PGBD2: variants seen among roughly 807,000 people sequenced by gnomAD.
PGBD2 encodes piggyBac transposable element derived 2.
Under a neutral mutation model 8.1 loss-of-function variants are expected in PGBD2, and 6 were observed. The ratio of observed to expected loss-of-function variants is 0.74; its 90% CI spans 0.40 to 1.46. The LOEUF (loss-of-function observed/expected upper bound fraction) is 1.46, where lower values mean the gene tolerates loss of function less well. Ranked by LOEUF, PGBD2 falls within the 40% of genes most tolerant of loss-of-function variation. PGBD2 has a pLI of 0.02. For missense variants in PGBD2, 802 were observed against 739.0 expected (o/e 1.09, Z -0.99); for synonymous variants, 318 against 272.2 (o/e 1.17, Z -1.66).
intron 2 of PGBD2, among the ~76,000 whole-genome samples, chr1:248,916,229 C>T (rs911340696): frequency 1.9e-4 from 29 of 152,046 alleles, no homozygotes; most frequent in African/African-American, 6.0e-4. Context: ...CTGACTAACA[C>T]GGTGAAACCC....
At chr1:248,908,798 T>G (rs565691761) in intron 1 of PGBD2, among the ~76,000 whole-genome samples, 1 of 152,068 alleles carries the variant, frequency 6.6e-6, no homozygotes. Context: ...GCAGATTCCT[T>G]ACTCTGGCGT....
rs773821197 is a variant in PGBD2, at chr1:248,918,170, C to G, written c.1586C>G (p.Ala529Gly). 1 of 1,614,198 alleles carries G rather than the reference C, an allele frequency of 6.2e-7. No homozygotes were observed. Among genetic ancestry groups the G allele is most frequent in the Non-Finnish European group, 8.5e-7 (1 of 1,180,034 alleles). The change falls in exon 3 of 3, where the codon GCT (alanine) becomes GGT (glycine). Residue 529 changes from alanine to glycine, a missense_variant. Coordinates refer to ENST00000329291, the MANE Select transcript of PGBD2 (RefSeq NM_170725.3). ...GCCTGTGTGTATCTGGAGAGCAATG[C>G]TGACACAACATCTCAAGGGAGGCGA... ...YIACVYLESN[A>G]DTTSQGRRSR...
rs1212858540 is a variant in PGBD2 at position 248,917,775 on chromosome 1, AT to A, written c.1194del (p.Phe398LeufsTer31). The A allele has an allele frequency of 1.2e-6, 2 of 1,614,236 alleles. No homozygotes were observed. The highest frequency in any genetic ancestry group is 1.7e-6 in the Non-Finnish European group (2 of 1,180,040). On this transcript the variant is annotated frameshift_variant, in exon 3 of 3. Transcript: ENST00000329291. LOFTEE classifies it low-confidence loss of function (END_TRUNC). ...KELKKMKRGS[F>X]DYKVDESEEI... ...AACTGAAAAAAATGAAGAGGGGTTC[AT>A]TTGATTACAAAGTCGATGAGAGTGA... is the stretch of plus-strand genomic sequence containing the variant.
At chr1:248,881,247 C>A in the PGBD2 span, among the ~76,000 whole-genome samples, 1 of 151,942 alleles carries the variant, frequency 6.6e-6, no homozygotes, top group African/African-American at 2.4e-5. Flanking sequence ...TCCAGGAGTC[C>A]CTGTATGTAA....
chr1:248,882,191 G>A, the PGBD2 span, among the ~76,000 whole-genome samples: 1 of 152,124 alleles, frequency 6.6e-6, no homozygotes, highest in Non-Finnish European at 1.5e-5. Flanking sequence ...CTGGTCCCAC[G>A]GAGCCAAAAA....
chr1:248,879,157 A>G, the PGBD2 span, among the ~76,000 whole-genome samples: 1 of 152,208 alleles, frequency 6.6e-6, no homozygotes, highest in Non-Finnish European at 1.5e-5. Flanking sequence ...TAAGCTGCTC[A>G]CAGCGCCTGT....
chr1:248,916,329 G>A (rs202122015), intron 2 of PGBD2, among the ~76,000 whole-genome samples: 5 of 152,196 alleles, frequency 3.3e-5, no homozygotes, highest in African/African-American at 7.2e-5. Flanking sequence ...CAGGAGAATC[G>A]CTTGAACCCA....
chr1:248,907,613 C>T (rs139337627), intron 1 of PGBD2, among the ~76,000 whole-genome samples: 70 of 152,238 alleles, frequency 4.6e-4, no homozygotes, highest in African/African-American at 1.4e-3. Flanking sequence ...TGGTGCATTG[C>T]GCCCCTTGTT....
chr1:248,916,476 T>G, intron 2 of PGBD2, 126 bp from the exon 3 acceptor site: 1 of 731,364 alleles, frequency 1.4e-6, no homozygotes, highest in Non-Finnish European at 2.2e-6. Context: ...TGCGGTGCCT[T>G]GTGATGCCAG....
At chr1:248,928,321 C>G in the PGBD2 span, among the ~76,000 whole-genome samples, 1 of 152,164 alleles carries the variant, frequency 6.6e-6, no homozygotes, top group Non-Finnish European at 1.5e-5. Context: ...AAGCCACTTC[C>G]TTATGGACTG....
chr1:248,922,853 G>C (rs1256590076), downstream of PGBD2, among the ~76,000 whole-genome samples: 1 of 152,158 alleles, frequency 6.6e-6, no homozygotes, highest in African/African-American at 2.4e-5. Flanking sequence ...GCTGGACTCG[G>C]TTTGCCAGTA....
downstream of PGBD2, among the ~76,000 whole-genome samples, chr1:248,924,484 G>A (rs1168598370): frequency 2.0e-5 from 3 of 152,144 alleles, no homozygotes; most frequent in Non-Finnish European, 2.9e-5. Flanking sequence ...TCTTTTAGAG[G>A]CACAGACTTC....
Position 248,918,022 on chromosome 1 carries a change from A to T in PGBD2, c.1438A>T (p.Met480Leu). 5.6e-6 allele frequency: 9 copies of T among 1,614,206 alleles called. No individual in the cohort carries two copies. The highest frequency in any genetic ancestry group is 7.6e-6 in the Non-Finnish European group (9 of 1,180,026). ...IAKYKVKIRG[M>L]KWYSSFIGYV... ...CAAGTACAAGGTGAAGATCCGAGGC[A>T]TGAAGTGGTACTCAAGCTTTATTGG... Residue 480 changes from methionine (M) to leucine (L), a missense_variant, in exon 3 of 3, where the codon ATG becomes TTG. Met to Leu is a conservative substitution (Grantham distance 15). Coordinates refer to ENST00000329291, the MANE Select transcript of PGBD2 (RefSeq NM_170725.3).
the PGBD2 span, among the ~76,000 whole-genome samples, chr1:248,883,855 C>A: frequency 3.9e-5 from 6 of 151,980 alleles, no homozygotes; most frequent in African/African-American, 1.2e-4. Flanking sequence ...CCTCGGCCTC[C>A]CAAAGTGCTG....
In PGBD2 at chr1:248,918,767, G is replaced by T. The variant is rs1251303534; in HGVS notation, c.*404G>T. 6.0e-6 allele frequency: 1 copy of T among 166,970 alleles called. No homozygotes were observed. Among genetic ancestry groups the T allele is most frequent in the Non-Finnish European group, 1.5e-5 (1 of 68,128 alleles). 10.3% of individuals were successfully genotyped at this position (166,970 alleles called of 1,614,324 possible). ...AATAGTGTATAAATATCATGTAAATGTGATGGATTTCTTAATCATATTTAT... is the reference window on the plus strand; with the variant it reads ...AATAGTGTATAAATATCATGTAAATTTGATGGATTTCTTAATCATATTTAT... On this transcript the variant is annotated 3_prime_UTR_variant, in exon 3 of 3. Transcript: ENST00000329291.
At chr1:248,874,345 G>C in the PGBD2 span, among the ~76,000 whole-genome samples, 1 of 152,288 alleles carries the variant, frequency 6.6e-6, no homozygotes, top group East Asian at 1.9e-4. Context: ...AACTGTTGCC[G>C]CAGGGCTAAC....
Position 248,917,400 on chromosome 1 carries a change from G to A in PGBD2, c.816G>A (p.Met272Ile), listed in dbSNP as rs1482136624. ...AGTTCTACAGCTTTGGCGAGTCTAT[G>A]TGTGAGTACTTTGGGCACCGGGGGT... Reference protein sequence around the residue: ...LEEFYSFGESMCEYFGHRGSK... With the variant: ...LEEFYSFGESICEYFGHRGSK... Residue 272 changes from methionine (M) to isoleucine (I), a missense_variant, in exon 3 of 3, where the codon ATG (methionine) becomes ATA (isoleucine). Met to Ile is a conservative substitution (Grantham distance 10, BLOSUM62 1). Coordinates refer to ENST00000329291, the MANE Select transcript of PGBD2 (RefSeq NM_170725.3). 1.9e-6 allele frequency: 3 copies of A among 1,614,168 alleles called. No individual in the cohort carries two copies. Among genetic ancestry groups the A allele is most frequent in the African/African-American group, 1.3e-5 (1 of 75,048 alleles).
chr1:248,874,205 T>C, the PGBD2 span, among the ~76,000 whole-genome samples: 2 of 152,196 alleles, frequency 1.3e-5, no homozygotes, highest in Non-Finnish European at 2.9e-5. Context: ...CGTCACAGGA[T>C]ATTTATTTAG....
chr1:248,877,981 A>G, the PGBD2 span, among the ~76,000 whole-genome samples: 1 of 152,222 alleles, frequency 6.6e-6, no homozygotes, highest in Non-Finnish European at 1.5e-5. Flanking sequence ...AATATTGCAG[A>G]AAGTGTGGTA....
Sources: allele counts gnomAD v4.1 joint callset (sites outside exome capture counted in the v4.1 genomes callset), GRCh38; gene constraint gnomAD v4.1.1; transcripts MANE v1.5; gene names NCBI Gene and HGNC (gene_info 2026-07-23, HGNC 2026-07-21).